CYP4V2: variants seen among roughly 807,000 people sequenced by gnomAD.
CYP4V2 encodes the protein cytochrome P450 4V2.
CYP4V2 carries 55 observed loss-of-function variants against 60.8 expected under a neutral mutation model. The ratio of observed to expected loss-of-function variants is 0.90; its 90% CI spans 0.73 to 1.13. The LOEUF (loss-of-function observed/expected upper bound fraction) is 1.13, where lower values mean the gene tolerates loss of function less well. Ranked by LOEUF, CYP4V2 falls within the 50% of genes most tolerant of loss-of-function variation. The probability of loss-of-function intolerance (pLI) is 0.00; values close to 1 mark genes in which losing one functional copy is unlikely to be tolerated. For missense variants in CYP4V2, 675 were observed against 662.9 expected (o/e 1.02, Z -0.20); for synonymous variants, 239 against 236.8 (o/e 1.01, Z -0.08).
chr4:186,199,036 T>C lies in CYP4V2; in HGVS notation c.754T>C (p.Trp252Arg). 1 of 1,614,112 alleles carries C rather than the reference T, an allele frequency of 6.2e-7. No individual in the cohort carries two copies. The highest frequency in any genetic ancestry group is 8.5e-7 in the Non-Finnish European group (1 of 1,179,980). The change falls in exon 6 of 11, where the codon TGG (tryptophan) becomes CGG (arginine). Residue 252 changes from tryptophan (W) to arginine (R), a missense_variant. Coordinates refer to ENST00000378802, the MANE Select transcript of CYP4V2 (RefSeq NM_207352.4). Reference sequence around the variant, plus strand: ...CTGGTACCTTATGTTTAAAGAAGGATGGGAACACAAAAAGAGCCTTCAGAT... The same window carrying C: ...CTGGTACCTTATGTTTAAAGAAGGACGGGAACACAAAAAGAGCCTTCAGAT... Reference protein sequence around the residue: ...DLWYLMFKEGWEHKKSLQILH... With the variant: ...DLWYLMFKEGREHKKSLQILH...
At chr4:186,204,795 CCT>C in intron 7 of CYP4V2, 1 of 321,622 alleles carries the variant, frequency 3.1e-6, no homozygotes. Context: ...ACCTCTACCC[CCT>C]GGTGCCCGTC....
intron 1 of CYP4V2, among the ~76,000 whole-genome samples, chr4:186,193,534 T>C (rs1443044186): frequency 3.9e-5 from 6 of 152,332 alleles, no homozygotes; most frequent in African/African-American, 1.2e-4. Flanking sequence ...TATTTAAAAC[T>C]CTTTAACTTA....
chr4:186,195,702 C>G lies in CYP4V2; in HGVS notation c.328-301C>G, dbSNP rs372610741. ...CCTCCAGATTCGCCTCCTCCCACCT[C>G]ACTGTCCCCCTCCCCACATTAAATA... On this transcript the variant is annotated intron_variant, in intron 2 of 10. Coordinates refer to ENST00000378802, the MANE Select transcript of CYP4V2 (RefSeq NM_207352.4). The surrounding 1 kb of genome is among the most constrained non-coding windows in gnomAD (Gnocchi z 4.1). 1.1e-4 allele frequency among the ~76,000 whole-genome samples: 16 copies of G among 152,278 alleles called. 1 individual carries two copies. The highest frequency in any genetic ancestry group is 9.7e-4 in the East Asian group (5 of 5,178).
At chr4:186,196,218 G>T in intron 3 of CYP4V2, 130 bp downstream of exon 3, 2 of 878,984 alleles carry the variant, frequency 2.3e-6, no homozygotes, top group Non-Finnish European at 3.7e-6. Flanking sequence ...GAGGAGAAAG[G>T]CTGGAAAGGA....
intron 1 of CYP4V2, among the ~76,000 whole-genome samples, chr4:186,194,204 G>A (rs558521914): frequency 7.2e-5 from 11 of 152,250 alleles, no homozygotes; most frequent in South Asian, 6.2e-4. Flanking sequence ...CTGGGCAGTC[G>A]TTAGAAAGAA....
intron 8 of CYP4V2, among the ~76,000 whole-genome samples, chr4:186,205,647 C>G (rs934325404): frequency 1.3e-5 from 2 of 152,176 alleles, no homozygotes; most frequent in Non-Finnish European, 2.9e-5. Flanking sequence ...TAGAAAGGTA[C>G]AGGAAAGCTG....
In CYP4V2 at chr4:186,210,157, A is replaced by G. The variant is rs568018899; in HGVS notation, c.1406-312A>G. ...GGGTGAATCTGAAGCTTTTTTGGTG[A>G]ATCCATAGTAAATGAAAGACCCACT... On this transcript the variant is annotated intron_variant, in intron 10 of 10. Coordinates refer to ENST00000378802, the MANE Select transcript of CYP4V2 (RefSeq NM_207352.4). Among the ~76,000 whole-genome samples the G allele has an allele frequency of 2.6e-5, 4 of 152,290 alleles. No homozygotes were observed. In the South Asian group the frequency reaches 8.3e-4, roughly 32 times the overall value.
intron 8 of CYP4V2, among the ~76,000 whole-genome samples, chr4:186,205,683 A>T (rs1666070605): frequency 6.6e-6 from 1 of 152,210 alleles, no homozygotes; most frequent in South Asian, 2.1e-4. Flanking sequence ...CTCACCACAA[A>T]GGAGAGAAAA....
chr4:186,206,268 C>T (rs910237526), intron 8 of CYP4V2, among the ~76,000 whole-genome samples: 2 of 152,162 alleles, frequency 1.3e-5, no homozygotes, highest in African/African-American at 4.8e-5. Flanking sequence ...ATACTTGTGA[C>T]ATACTTGTGA....
chr4:186,202,855 CATGCACACAT>C (rs1015694271), intron 7 of CYP4V2: 2 of 149,582 alleles, frequency 1.3e-5, no homozygotes, highest in African/African-American at 4.8e-5. Context: ...CATACACACA[CATGCACACAT>C]ATACCCACAT....
intron 8 of CYP4V2, among the ~76,000 whole-genome samples, chr4:186,207,360 A>T (rs1736545052): frequency 6.7e-6 from 1 of 149,392 alleles, no homozygotes; most frequent in Non-Finnish European, 1.5e-5. Context: ...TACAGTGAGC[A>T]GAGATTGCAC....
intron 8 of CYP4V2, among the ~76,000 whole-genome samples, chr4:186,207,356 G>C (rs1366192881): frequency 1.4e-5 from 2 of 143,558 alleles, no homozygotes; most frequent in East Asian, 4.1e-4. Flanking sequence ...AGCTTACAGT[G>C]AGCAGAGATT....
In CYP4V2 at chr4:186,197,589, C is replaced by G. The variant is rs745471184; in HGVS notation, c.661C>G (p.Arg221Gly). ...AQSNDDSEYVRAVYRMSEMIF... is the reference protein window; with the variant it reads ...AQSNDDSEYVGAVYRMSEMIF... ...AAGTAATGATGATTCCGAGTATGTC[C>G]GTGCAGTTTATAGGTAAATGGAGTC... Residue 221 changes from arginine (R) to glycine (G), a missense_variant, in exon 5 of 11, where the codon CGT becomes GGT. By Grantham distance (125) the Arg-to-Gly change is moderately radical. Coordinates refer to ENST00000378802, the MANE Select transcript of CYP4V2 (RefSeq NM_207352.4). 6.8e-6 allele frequency: 11 copies of G among 1,613,968 alleles called. No homozygotes were observed. Among genetic ancestry groups the G allele is most frequent in the Non-Finnish European group, 9.3e-6 (11 of 1,179,998 alleles).
chr4:186,201,391 T>A (rs763829436), intron 7 of CYP4V2, 49 bp downstream of exon 7: 1 of 1,587,012 alleles, frequency 6.3e-7, no homozygotes, highest in Non-Finnish European at 8.6e-7. Context: ...TTTCAGTTAT[T>A]GTTAGAATCT....
Position 186,198,993 on chromosome 4 carries a change from C to G in CYP4V2, c.711C>G (p.Pro237=). ...TGATATTTCGAAGAATAAAGATGCC[C>G]TGGCTTTGGCTTGATCTCTGGTACC... ...SEMIFRRIKM[P]WLWLDLWYLM... The change falls in exon 6 of 11, where the codon CCC becomes CCG. Residue 237 remains proline (P), a synonymous_variant. Coordinates refer to ENST00000378802, the MANE Select transcript of CYP4V2 (RefSeq NM_207352.4). 1 of 1,614,058 alleles carries G rather than the reference C, an allele frequency of 6.2e-7. No individual in the cohort carries two copies. Among genetic ancestry groups the G allele is most frequent in the East Asian group, 2.2e-5 (1 of 44,860 alleles).
In CYP4V2 at chr4:186,209,535, C is replaced by G. The variant is rs537525587; in HGVS notation, c.1405+263C>G. On this transcript the variant is annotated intron_variant, in intron 10 of 10. Coordinates refer to ENST00000378802, the MANE Select transcript of CYP4V2 (RefSeq NM_207352.4). Reference sequence around the variant, plus strand: ...TAAACAGCAGAAATTTATTTTCTCACAGTTCTGGAGGCTGGAAGTTCAAGA... The same window carrying G: ...TAAACAGCAGAAATTTATTTTCTCAGAGTTCTGGAGGCTGGAAGTTCAAGA... 9.8e-5 allele frequency among the ~76,000 whole-genome samples: 15 copies of G among 152,316 alleles called. 1 individual carries two copies. The South Asian group carries it at 2.9e-3, about 29-fold the overall frequency.
At chr4:186,198,839 C>T in intron 5 of CYP4V2, 118 bp from the exon 6 acceptor site, 2 of 1,476,512 alleles carry the variant, frequency 1.4e-6, no homozygotes, top group Non-Finnish European at 1.9e-6. Context: ...TCTTAGTAGC[C>T]TCTAAGACAA....
At chr4:186,194,714 C>A in intron 2 of CYP4V2, 102 bp downstream of exon 2, 1 of 1,066,270 alleles carries the variant, frequency 9.4e-7, no homozygotes, top group Non-Finnish European at 1.4e-6. Flanking sequence ...GCCATTTCAG[C>A]ACAAAAAACA....
intron 7 of CYP4V2, chr4:186,202,469 A>T (rs1009758554): frequency 3.9e-5 from 6 of 152,154 alleles, no homozygotes; most frequent in African/African-American, 1.4e-4. Flanking sequence ...TTAGATTTGT[A>T]AAGGTGCTCT....
Sources: allele counts gnomAD v4.1 joint callset (sites outside exome capture counted in the v4.1 genomes callset), GRCh38; gene constraint gnomAD v4.1.1; non-coding constraint Gnocchi (gnomAD v3.1); transcripts MANE v1.5; gene names NCBI Gene and HGNC (gene_info 2026-07-23, HGNC 2026-07-21).